FREM2: variants seen among roughly 807,000 people sequenced by gnomAD.
FREM2 encodes FRAS1 related extracellular matrix 2.
In FREM2, 119 loss-of-function variants were observed where a neutral mutation model predicts 219.9. The ratio of observed to expected loss-of-function variants is 0.54; its 90% CI spans 0.47 to 0.63. The LOEUF (loss-of-function observed/expected upper bound fraction) is 0.63, where lower values mean the gene tolerates loss of function less well. FREM2 is among the 30% of genes least tolerant of loss of function. The probability of loss-of-function intolerance (pLI) is 0.00; values close to 1 mark genes in which losing one functional copy is unlikely to be tolerated. For missense variants in FREM2, 4,030 were observed against 3,993.6 expected (o/e 1.01, Z -0.25); for synonymous variants, 1,562 against 1,522.8 (o/e 1.03, Z -0.60).
chr13:38,824,758 A>G (rs1462333264), intron 6 of FREM2, among the ~76,000 whole-genome samples: 2 of 152,076 alleles, frequency 1.3e-5, no homozygotes, highest in African/African-American at 4.8e-5. Flanking sequence ...ATGCCTATCT[A>G]CAATAGAAAA....
Position 38,859,508 on chromosome 13 carries a change from G to C in FREM2, c.7437G>C (p.Gln2479His). 2 of 1,614,122 alleles carry C rather than the reference G, an allele frequency of 1.2e-6. No individual in the cohort carries two copies. Among genetic ancestry groups the C allele is most frequent in the Non-Finnish European group, 1.7e-6 (2 of 1,180,004 alleles). Residue 2479 changes from glutamine to histidine, a missense_variant, in exon 14 of 24, where the codon CAG (glutamine) becomes CAC (histidine). Gln to His is a conservative substitution (Grantham distance 24, BLOSUM62 0). Transcript: ENST00000280481. ...ACTTTCAGCCTGGCTCCCGGGTACA[G>C]TGCGCAGCTCGTGCTGTGAACACCA... ...SIYFQPGSRV[Q>H]CAARAVNTNG...
chr13:38,763,380 C>G (rs1873307424), intron 2 of FREM2, among the ~76,000 whole-genome samples: 1 of 149,034 alleles, frequency 6.7e-6, no homozygotes, highest in South Asian at 2.1e-4. Flanking sequence ...TGAGATTTTC[C>G]TCTTTCATTT....
At chr13:38,739,901 T>G (rs1168370170) in intron 2 of FREM2, among the ~76,000 whole-genome samples, 1 of 152,210 alleles carries the variant, frequency 6.6e-6, no homozygotes, top group African/African-American at 2.4e-5. Flanking sequence ...GATACTGATA[T>G]CAAAACCTCA....
At chr13:38,815,959 A>C (rs776291423) in intron 6 of FREM2, among the ~76,000 whole-genome samples, 1 of 152,142 alleles carries the variant, frequency 6.6e-6, no homozygotes, top group South Asian at 2.1e-4. Context: ...GGGGACAAAC[A>C]AACCATATCC....
Position 38,850,174 on chromosome 13 carries a change from G to C in FREM2, c.6516G>C (p.Gln2172His). ...GCTACACCCGGCAGGGGTCTGCACAGGTGATGATGGACTTTGAAGAACGCC... is the reference window on the plus strand; with the variant it reads ...GCTACACCCGGCAGGGGTCTGCACACGTGATGATGGACTTTGAAGAACGCC... ...VRCYTRQGSA[Q>H]VMMDFEERPN... Residue 2172 changes from glutamine to histidine, a missense_variant, in exon 9 of 24, where the codon CAG becomes CAC. Gln to His is a conservative substitution (Grantham distance 24, BLOSUM62 0). Around this residue, in one of 2 missense-constraint regions of FREM2, gnomAD observed 3,102 missense variants for 2,950.7 expected, o/e 1.05. Coordinates refer to ENST00000280481, the MANE Select transcript of FREM2 (RefSeq NM_207361.6). 1 of 1,614,064 alleles carries C rather than the reference G, an allele frequency of 6.2e-7. No homozygotes were observed. Among genetic ancestry groups the C allele is most frequent in the East Asian group, 2.2e-5 (1 of 44,862 alleles).
At chr13:38,764,885 T>C (rs977632950) in intron 3 of FREM2, among the ~76,000 whole-genome samples, 2 of 152,226 alleles carry the variant, frequency 1.3e-5, no homozygotes, top group African/African-American at 4.8e-5. Flanking sequence ...GAATGAAACC[T>C]TTTTTCAACT....
In FREM2 at chr13:38,838,257, T is replaced by G. The variant is rs190992053; in HGVS notation, c.6020-8316T>G. Among the ~76,000 whole-genome samples the G allele has an allele frequency of 3.8e-3, 586 of 152,278 alleles. 5 individuals are homozygous for G. Among genetic ancestry groups the G allele is most frequent in the African/African-American group, 0.014 (566 of 41,548 alleles). ...TGGATATGAAATTCTGGGTTGAAAA[T>G]TCTTTTCTTTAAGAATGTTGAATAT... On this transcript the variant is annotated intron_variant, in intron 6 of 23. Coordinates refer to ENST00000280481, the MANE Select transcript of FREM2 (RefSeq NM_207361.6).
At chr13:38,756,295 G>C (rs571041854) in intron 2 of FREM2, among the ~76,000 whole-genome samples, 1 of 152,144 alleles carries the variant, frequency 6.6e-6, no homozygotes, top group East Asian at 1.9e-4. Context: ...ACAGGGTTAG[G>C]TTTCTATGGG....
intron 4 of FREM2, among the ~76,000 whole-genome samples, chr13:38,771,116 G>A (rs1003953929): frequency 6.6e-6 from 1 of 152,188 alleles, no homozygotes; most frequent in Non-Finnish European, 1.5e-5. Flanking sequence ...TAAAGAAAGT[G>A]AATAAGAAAA....
intron 16 of FREM2, among the ~76,000 whole-genome samples, chr13:38,866,539 A>T (rs552120113): frequency 8.6e-5 from 13 of 150,760 alleles, no homozygotes; most frequent in Non-Finnish European, 1.6e-4. Flanking sequence ...GTGGTGGCGC[A>T]TGCCTGTAAT....
intron 2 of FREM2, among the ~76,000 whole-genome samples, chr13:38,726,198 G>A (rs566898574): frequency 2.0e-5 from 3 of 152,210 alleles, no homozygotes; most frequent in South Asian, 4.1e-4. Context: ...TAAGCAGACC[G>A]ATGACTGGCT....
intron 6 of FREM2, among the ~76,000 whole-genome samples, chr13:38,793,715 T>C (rs1240960991): frequency 6.6e-6 from 1 of 152,186 alleles, no homozygotes; most frequent in African/African-American, 2.4e-5. Flanking sequence ...CAGGTGGCTG[T>C]TGGAGCAACA....
At position 38,687,800 on chromosome 13, in the gene FREM2, G is replaced by A; in HGVS notation, c.456G>A (p.Arg152=). ...GCAGCCCGTCTCGGGACCGCGTCCG[G>A]CTGCAGCTGCGCTATGACGCGCCCG... ...GARSPSRDRV[R]LQLRYDAPGG... The change falls in exon 1 of 24, where the codon CGG becomes CGA. Residue 152 remains arginine, a synonymous_variant. Coordinates refer to ENST00000280481, the MANE Select transcript of FREM2 (RefSeq NM_207361.6). 1 of 1,539,800 alleles carries A rather than the reference G, an allele frequency of 6.5e-7. No homozygotes were observed. The highest frequency in any genetic ancestry group is 1.3e-5 in the South Asian group (1 of 79,482).
chr13:38,840,314 A>G (rs1210289645), intron 6 of FREM2, among the ~76,000 whole-genome samples: 1 of 151,588 alleles, frequency 6.6e-6, no homozygotes, highest in African/African-American at 2.4e-5. Flanking sequence ...AATAAGATGA[A>G]CTGGGTATCT....
intron 2 of FREM2, among the ~76,000 whole-genome samples, chr13:38,709,110 C>T (rs1032768722): frequency 6.6e-6 from 1 of 152,174 alleles, no homozygotes; most frequent in East Asian, 1.9e-4. Flanking sequence ...GTTGTACAAA[C>T]TGTGCAGGTC....
intron 6 of FREM2, among the ~76,000 whole-genome samples, chr13:38,798,511 T>G (rs565132672): frequency 9.9e-5 from 15 of 152,262 alleles, no homozygotes; most frequent in African/African-American, 3.4e-4. Flanking sequence ...CTTCTTTATC[T>G]ATTTTTTGTA....
intron 6 of FREM2, among the ~76,000 whole-genome samples, chr13:38,806,425 G>T (rs1875229117): frequency 6.6e-6 from 1 of 152,008 alleles, no homozygotes; most frequent in East Asian, 2.0e-4. Context: ...TTGAGAGTTT[G>T]GTTCCAGACC....
In FREM2 at chr13:38,880,564, G is replaced by A. The variant is rs1322652563; in HGVS notation, c.9287G>A (p.Gly3096Asp). ...CCCCATGGGAGAGCACCTCCAGATG[G>A]CATCCTCCCCTGGGAGCTCAACAGC... ...QIPHGRAPPD[G>D]ILPWELNSPS... Residue 3096 changes from glycine (G) to aspartate (D), a missense_variant, in exon 24 of 24, where the codon GGC (glycine) becomes GAC (aspartate). Gly to Asp is a moderately conservative substitution (Grantham distance 94, BLOSUM62 -1). Transcript: ENST00000280481. 6.2e-7 allele frequency: 1 copy of A among 1,614,158 alleles called. No homozygotes were observed. Among genetic ancestry groups the A allele is most frequent in the South Asian group, 1.1e-5 (1 of 91,082 alleles).
intron 2 of FREM2, among the ~76,000 whole-genome samples, chr13:38,763,463 G>GTTTTTTTTTTTTTT (rs1873310687): frequency 3.1e-4 from 2 of 6,480 alleles, no homozygotes; most frequent in Non-Finnish European, 1.0e-3. Flanking sequence ...TGTTACTTGG[G>GTTTTTTTTTTTTTT]CTTTTTTTTT....
Sources: allele counts gnomAD v4.1 joint callset (sites outside exome capture counted in the v4.1 genomes callset), GRCh38; gene constraint gnomAD v4.1.1; regional missense constraint gnomAD v4.1.1; transcripts MANE v1.5; gene names NCBI Gene and HGNC (gene_info 2026-07-23, HGNC 2026-07-21).